EDA: variants seen among roughly 807,000 people sequenced by gnomAD.
EDA encodes ectodysplasin-A.
A neutral mutation model predicts 23.6 loss-of-function variants in EDA; 2 were observed. The observed-to-expected ratio is 0.08, with a 90% confidence interval of 0.03 to 0.27. EDA has a LOEUF of 0.27. Ranked by LOEUF, EDA falls within the 10% of genes least tolerant of loss-of-function variation. EDA has a pLI of 1.00. For missense variants in EDA, 229 were observed against 324.2 expected (o/e 0.71, Z 2.26); for synonymous variants, 131 against 132.0 (o/e 0.99, Z 0.05).
intron 1 of EDA, among the ~76,000 whole-genome samples, chrX:69,785,083 GCTCT>G (rs1602403417): frequency 9.5e-6 from 1 of 104,988 alleles, no homozygotes; most frequent in African/African-American, 3.5e-5. Flanking sequence ...TCCTGATTTG[GCTCT>G]CTGTTTGTCT....
intron 2 of EDA, among the ~76,000 whole-genome samples, chrX:70,019,225 A>G (rs964069734): frequency 1.8e-5 from 2 of 112,364 alleles, no homozygotes; most frequent in Admixed American, 1.9e-4. Context: ...AGAAAAAGGA[A>G]CACTTATATA....
At chrX:69,898,243 C>T (rs2147639993) in intron 1 of EDA, among the ~76,000 whole-genome samples, 1 of 111,471 alleles carries the variant, frequency 9.0e-6, no homozygotes, top group South Asian at 3.8e-4. Flanking sequence ...CATAAAGTTC[C>T]ACTTTTTATG....
At chrX:69,692,148 G>A (rs1934728529) in intron 1 of EDA, among the ~76,000 whole-genome samples, 1 of 111,443 alleles carries the variant, frequency 9.0e-6, no homozygotes, top group Non-Finnish European at 1.9e-5. Flanking sequence ...AGATGTTATG[G>A]TACCTCACTT....
intron 1 of EDA, among the ~76,000 whole-genome samples, chrX:69,759,986 T>C (rs2014248405): frequency 9.2e-6 from 1 of 109,117 alleles, no homozygotes; most frequent in South Asian, 4.1e-4. Context: ...ACCTTAAGAC[T>C]GTATTACAGC....
At position 69,648,464 on chromosome X, in the gene EDA, T is replaced by C. The variant is rs1231662054; in HGVS notation, c.396+31760T>C. ...ATCAGGGTCCCACTTAAAGAAGTAGTCTGGCACTGATCTGGCAAGGCAGCT... is the reference window on the plus strand; with the variant it reads ...ATCAGGGTCCCACTTAAAGAAGTAGCCTGGCACTGATCTGGCAAGGCAGCT... On this transcript the variant is annotated intron_variant, in intron 1 of 7. Transcript: ENST00000374552. 2.7e-5 allele frequency among the ~76,000 whole-genome samples: 3 copies of C among 112,395 alleles called. No individual in the cohort carries two copies. The East Asian group carries it at 8.5e-4, about 32-fold the overall frequency.
intron 1 of EDA, among the ~76,000 whole-genome samples, chrX:69,804,595 G>A (rs1039628373): frequency 9.1e-6 from 1 of 110,074 alleles, no homozygotes; most frequent in Admixed American, 9.8e-5. Flanking sequence ...AATGAGGTTT[G>A]TTAGATACTA....
chrX:69,789,838 G>C (rs145033715), intron 1 of EDA, among the ~76,000 whole-genome samples: 478 of 112,154 alleles, frequency 4.3e-3, no homozygotes, highest in African/African-American at 0.014. Flanking sequence ...AACATTCCAA[G>C]TGGCTGATGG....
chrX:69,811,137 TG>T (rs748954001), intron 1 of EDA, among the ~76,000 whole-genome samples: 4 of 111,964 alleles, frequency 3.6e-5, no homozygotes, highest in Non-Finnish European at 7.5e-5. Context: ...AACTAACCAA[TG>T]GGCCCATATA....
intron 1 of EDA, among the ~76,000 whole-genome samples, chrX:69,824,257 G>A (rs1602448271): frequency 9.0e-6 from 1 of 110,507 alleles, no homozygotes; most frequent in East Asian, 2.9e-4. Context: ...AGCTTGATGG[G>A]GATTGCATTG....
At chrX:69,815,836 C>T (rs930882629) in intron 1 of EDA, among the ~76,000 whole-genome samples, 6 of 112,554 alleles carry the variant, frequency 5.3e-5, no homozygotes, top group Non-Finnish European at 1.1e-4. Context: ...CCAAAAGCAG[C>T]CAGACTGCTT....
chrX:69,929,620 A>G (rs927894739), intron 1 of EDA, among the ~76,000 whole-genome samples: 4 of 109,556 alleles, frequency 3.7e-5, no homozygotes, highest in African/African-American at 1.3e-4. Context: ...ACCTACTGAC[A>G]GTGGTCTGCC....
In EDA at chrX:69,710,668, G is replaced by C. The variant is rs144679855; in HGVS notation, c.396+93964G>C. Among the ~76,000 whole-genome samples the C allele has an allele frequency of 4.6e-3, 515 of 111,534 alleles. 2 individuals carry two copies. Among genetic ancestry groups the C allele is most frequent in the African/African-American group, 0.016 (487 of 30,723 alleles). On this transcript the variant is annotated intron_variant, in intron 1 of 7. Coordinates refer to ENST00000374552, the MANE Select transcript of EDA (RefSeq NM_001399.5). ...TGTTTGTATCCTCTTTGATTTCATTGAGCAGTGGCTTGTAGTTCTCCTTGA... is the reference window on the plus strand; with the variant it reads ...TGTTTGTATCCTCTTTGATTTCATTCAGCAGTGGCTTGTAGTTCTCCTTGA...
At chrX:69,699,808 C>T (rs1013304896) in intron 1 of EDA, among the ~76,000 whole-genome samples, 3 of 110,184 alleles carry the variant, frequency 2.7e-5, no homozygotes, top group East Asian at 2.9e-4. Flanking sequence ...TAATAGTCTG[C>T]GCAGGGTTTA....
chrX:69,954,578 C>G (rs1001143374), intron 1 of EDA, among the ~76,000 whole-genome samples: 9 of 112,163 alleles, frequency 8.0e-5, no homozygotes, highest in Middle Eastern at 4.2e-3. Context: ...ATATTATAAA[C>G]TAATTTCTTT....
intron 1 of EDA, among the ~76,000 whole-genome samples, chrX:69,946,918 C>T (rs763750357): frequency 2.5e-4 from 28 of 112,338 alleles, no homozygotes; most frequent in African/African-American, 8.7e-4. Flanking sequence ...GCTAATCCAG[C>T]TTCATAAAGG....
intron 1 of EDA, among the ~76,000 whole-genome samples, chrX:69,633,495 A>G (rs1460868704): frequency 8.9e-6 from 1 of 112,020 alleles, no homozygotes; most frequent in Non-Finnish European, 1.9e-5. Flanking sequence ...AACTGTATCC[A>G]TTAGCAGTCA....
chrX:70,030,629 T>G, intron 6 of EDA, 109 bp downstream of exon 6: 1 of 731,664 alleles, frequency 1.4e-6, no homozygotes, highest in Non-Finnish European at 2.1e-6. Flanking sequence ...GAGGTACCGT[T>G]GGCATACGAA....
chrX:69,779,604 A>G (rs745869047), intron 1 of EDA, among the ~76,000 whole-genome samples: 160 of 111,604 alleles, frequency 1.4e-3, no homozygotes, highest in African/African-American at 5.1e-3. Flanking sequence ...CTAGATAGAC[A>G]TGGTGGTTGC....
intron 1 of EDA, among the ~76,000 whole-genome samples, chrX:69,738,325 A>G (rs2013337631): frequency 9.2e-6 from 1 of 109,082 alleles, no homozygotes; most frequent in Admixed American, 1.0e-4. Context: ...AAATTTAGAT[A>G]CTGTATTTTT....
Sources: allele counts gnomAD v4.1 joint callset (sites outside exome capture counted in the v4.1 genomes callset), GRCh38; gene constraint gnomAD v4.1.1; transcripts MANE v1.5; gene names NCBI Gene and HGNC (gene_info 2026-07-23, HGNC 2026-07-21).